The following NFX1 variants were observed in gnomAD, a reference collection of about 807,000 sequenced individuals.
NFX1 encodes the protein nuclear transcription factor, X-box binding 1.
NFX1 carries 69 observed loss-of-function variants against 137.2 expected under a neutral mutation model. The ratio of observed to expected loss-of-function variants is 0.50; its 90% confidence interval spans 0.41 to 0.61. The LOEUF (loss-of-function observed/expected upper bound fraction) is 0.61, where lower values mean the gene tolerates loss of function less well. Among genes scored for constraint, NFX1 ranks in the 20% least tolerant of loss-of-function variants. The probability of loss-of-function intolerance (pLI) is 0.00; values close to 1 mark genes in which losing one functional copy is unlikely to be tolerated. For synonymous variants in NFX1, 495 were observed against 474.1 expected, an observed-to-expected ratio of 1.04 and a Z score of -0.57; for missense variants, 1,167 against 1,391.0, an observed-to-expected ratio of 0.84 and a Z score of 2.56.
Position 33,367,573 on chromosome 9 carries a change from G to A in NFX1, c.3244G>A (p.Ala1082Thr). 1.2e-6 allele frequency: 2 copies of A among 1,613,854 alleles called. No individual in the cohort carries two copies. Among genetic ancestry groups the A allele is most frequent in the Non-Finnish European group, 1.7e-6 (2 of 1,179,840 alleles). ...AGGTGTGCTTGAAAGGGAAATGCAGGCACGGCCTCCACCACCGATTCCTCA... is the reference window on the plus strand; with the variant it reads ...AGGTGTGCTTGAAAGGGAAATGCAGACACGGCCTCCACCACCGATTCCTCA... ...LTGVLEREMQ[A>T]RPPPPIPHHR... Residue 1082 changes from alanine (A) to threonine (T), a missense_variant, in exon 23 of 24, where the codon GCA (alanine) becomes ACA (threonine). Transcript: ENST00000379540.
intron 7 of NFX1, among the ~76,000 whole-genome samples, chr9:33,317,663 TAA>T (rs34181227): frequency 6.9e-6 from 1 of 144,786 alleles, no homozygotes; most frequent in Admixed American, 6.9e-5. Flanking sequence ...ATCCTGTCTT[TAA>T]AAAAAAAAAA....
Position 33,301,567 on chromosome 9 carries a change from A to G in NFX1, c.1192+146A>G, listed in dbSNP as rs1821567966. 5 of 713,724 alleles carry G rather than the reference A, an allele frequency of 7.0e-6. No homozygotes were observed. The South Asian group carries it at 1.4e-4, about 20-fold the overall frequency. 44.2% of individuals were successfully genotyped at this position (713,724 alleles called of 1,614,324 possible). Reference sequence around the variant, plus strand: ...ATGTTACCTTGATCATGTGTTTCATATGACCAGAATTAAGTTATAGATCTT... The same window carrying G: ...ATGTTACCTTGATCATGTGTTTCATGTGACCAGAATTAAGTTATAGATCTT... On this transcript the variant is annotated intron_variant, in intron 3 of 23. Transcript: ENST00000379540.
chr9:33,324,755 G>A lies in NFX1; in HGVS notation c.1907-3826G>A, dbSNP rs968848524. 3.3e-5 allele frequency among the ~76,000 whole-genome samples: 5 copies of A among 151,334 alleles called. No homozygotes were observed. The East Asian group carries it at 5.8e-4, about 18-fold the overall frequency. On this transcript the variant is annotated intron_variant, in intron 9 of 23. Transcript: ENST00000379540. Reference sequence around the variant, plus strand: ...ATCCTGGCTAACATGGTGAAACCCCGTCTCTACTATATACAAAAAAAAAAT... The same window carrying A: ...ATCCTGGCTAACATGGTGAAACCCCATCTCTACTATATACAAAAAAAAAAT...
chr9:33,357,546 T>C (rs1823851892), intron 19 of NFX1, among the ~76,000 whole-genome samples: 2 of 152,052 alleles, frequency 1.3e-5, no homozygotes, highest in African/African-American at 4.8e-5. Flanking sequence ...TGTATTTATT[T>C]ATTGAGATAG....
chr9:33,325,840 A>G (rs1490657840), intron 9 of NFX1, among the ~76,000 whole-genome samples: 1 of 152,200 alleles, frequency 6.6e-6, no homozygotes, highest in African/African-American at 2.4e-5. Context: ...AGAATTTCAA[A>G]TCCACATGAA....
At chr9:33,344,988 C>A (rs1346737137) in intron 14 of NFX1, among the ~76,000 whole-genome samples, 1 of 151,924 alleles carries the variant, frequency 6.6e-6, no homozygotes, top group Non-Finnish European at 1.5e-5. Flanking sequence ...ATGGTGAAAC[C>A]ATGTCTCTAC....
chr9:33,369,991 G>A lies in NFX1; in HGVS notation c.*13G>A, dbSNP rs755315460. The stretch of plus-strand genomic sequence containing the variant: ...CGTCCAGGACTAAGAAGATCATGAT[G>A]CACTTAGATAAAAGAATGATTAGGT... On this transcript the variant is annotated 3_prime_UTR_variant, in exon 24 of 24. Coordinates refer to ENST00000379540, the MANE Select transcript of NFX1 (RefSeq NM_002504.6). 1.3e-6 allele frequency: 2 copies of A among 1,596,334 alleles called. No individual in the cohort carries two copies. Among genetic ancestry groups the A allele is most frequent in the South Asian group, 2.2e-5 (2 of 90,116 alleles).
chr9:33,335,379 C>A (rs533730446), intron 11 of NFX1, among the ~76,000 whole-genome samples: 1 of 151,890 alleles, frequency 6.6e-6, no homozygotes, highest in African/African-American at 2.4e-5. Flanking sequence ...TACAGGCACC[C>A]ACCACCATGC....
At chr9:33,362,633 A>G (rs2118688953) in intron 19 of NFX1, among the ~76,000 whole-genome samples, 1 of 147,484 alleles carries the variant, frequency 6.8e-6, no homozygotes, top group African/African-American at 2.5e-5. Context: ...AGGGAGGTTG[A>G]GGAGAGGTTG....
intron 3 of NFX1, among the ~76,000 whole-genome samples, chr9:33,302,205 G>A (rs1438504302): frequency 2.0e-5 from 3 of 152,036 alleles, no homozygotes; most frequent in African/African-American, 7.3e-5. Flanking sequence ...AGGGTAATTG[G>A]CATATGGGGA....
chr9:33,344,535 A>G (rs995043184), intron 14 of NFX1, among the ~76,000 whole-genome samples: 6 of 152,206 alleles, frequency 3.9e-5, no homozygotes, highest in African/African-American at 1.4e-4. Flanking sequence ...TTTTGTTGTT[A>G]TAGAAGCAAT....
intron 23 of NFX1, among the ~76,000 whole-genome samples, chr9:33,369,267 A>G (rs1010926034): frequency 4.6e-5 from 7 of 151,934 alleles, no homozygotes; most frequent in African/African-American, 7.3e-5. Flanking sequence ...GGGTTTCACC[A>G]TGTGTTAGGA....
At chr9:33,315,329 T>C (rs1822119060) in intron 7 of NFX1, among the ~76,000 whole-genome samples, 1 of 152,214 alleles carries the variant, frequency 6.6e-6, no homozygotes, top group Non-Finnish European at 1.5e-5. Flanking sequence ...CAGTCGCTGA[T>C]TAAACAGCCT....
chr9:33,352,841 T>G lies in NFX1; in HGVS notation c.2729+122T>G, dbSNP rs749681973. ...GTGGAGAAGAAACGAAGTCTGTAAC[T>G]GTTGTAATCAGTTGTAAACACCACT... On this transcript the variant is annotated intron_variant, in intron 17 of 23. Coordinates refer to ENST00000379540, the MANE Select transcript of NFX1 (RefSeq NM_002504.6). 8.1e-5 allele frequency: 59 copies of G among 724,260 alleles called. No homozygotes were observed. In the Middle Eastern group the frequency reaches 1.3e-3, roughly 16 times the overall value. 44.9% of individuals were successfully genotyped at this position (724,260 alleles called of 1,614,324 possible).
intron 12 of NFX1, among the ~76,000 whole-genome samples, chr9:33,340,254 A>C (rs954545198): frequency 6.6e-6 from 1 of 152,168 alleles, no homozygotes; most frequent in Non-Finnish European, 1.5e-5. Context: ...TTCCAACCTC[A>C]GTTATTGATT....
rs150758345 is a variant in NFX1, at chr9:33,364,625, A to G, written c.2973-83A>G. The G allele has an allele frequency of 7.7e-5, 115 of 1,496,234 alleles. No individual in the cohort carries two copies. In the African/African-American group the frequency reaches 1.4e-3, roughly 18 times the overall value. 92.7% of individuals were successfully genotyped at this position (1,496,234 alleles called of 1,614,324 possible). A position where few individuals can be genotyped will look rare whatever the true frequency, so the allele number is the denominator to read the frequency against. ...TTACTGCCAGCATTGTCTATTGTCT[A>G]CGCTTTACAGGGAGAGGATGGGTGA... On this transcript the variant is annotated intron_variant, in intron 20 of 23. Coordinates refer to ENST00000379540, the MANE Select transcript of NFX1 (RefSeq NM_002504.6).
rs1823639681 is a variant in NFX1 at position 33,351,651 on chromosome 9, G to C, written c.2516G>C (p.Arg839Thr). Residue 839 changes from arginine (R) to threonine (T), a missense_variant, in exon 16 of 24, where the codon AGA (arginine) becomes ACA (threonine). Coordinates refer to ENST00000379540, the MANE Select transcript of NFX1 (RefSeq NM_002504.6). ...TLPCGMHKCQ[R>T]LCHKGECLVD... is the part of the protein sequence containing the mutation. ...CCATGTGGGATGCACAAATGTCAGA[G>C]ACTCTGTCACAAAGGGGAGTGTCTT... 6.2e-7 allele frequency: 1 copy of C among 1,614,056 alleles called. No homozygotes were observed. Among genetic ancestry groups the C allele is most frequent in the African/African-American group, 1.3e-5 (1 of 74,902 alleles).
rs1282588304 is a variant in NFX1 at position 33,351,652 on chromosome 9, ACT to A, written c.2520_2521del (p.Cys841SerfsTer9). On this transcript the variant is annotated frameshift_variant, in exon 16 of 24. Coordinates refer to ENST00000379540, the MANE Select transcript of NFX1 (RefSeq NM_002504.6). LOFTEE classifies it high-confidence loss of function. ...CATGTGGGATGCACAAATGTCAGAG[ACT>A]CTGTCACAAAGGGGAGTGTCTTGTG... The part of the protein sequence containing the change: ...LPCGMHKCQR[L>X]CHKGECLVDE... 7 of 1,613,852 alleles carry A rather than the reference ACT, an allele frequency of 4.3e-6. No homozygotes were observed. Among genetic ancestry groups the A allele is most frequent in the Non-Finnish European group, 5.9e-6 (7 of 1,179,958 alleles).
At chr9:33,295,632 C>T (rs1402092889) in intron 2 of NFX1, among the ~76,000 whole-genome samples, 1 of 152,216 alleles carries the variant, frequency 6.6e-6, no homozygotes, top group African/African-American at 2.4e-5. Flanking sequence ...ATGCATATCA[C>T]AAGCAAATAC....
Sources: gnomAD v4.1 joint callset for allele counts (sites outside exome capture counted in the v4.1 genomes callset) on GRCh38, gnomAD v4.1.1 for gene constraint, MANE v1.5 for transcripts, NCBI Gene and HGNC (gene_info 2026-07-23, HGNC 2026-07-21) for gene names.